Variants in OTOGL observed in about 807,000 individuals in gnomAD.
The protein encoded by OTOGL is otogelin like.
OTOGL carries 285 observed loss-of-function variants against 318.5 expected under a neutral mutation model. The observed-to-expected ratio is 0.89, with a 90% confidence interval of 0.81 to 0.99. The LOEUF is 0.99. OTOGL is among the 50% of genes least tolerant of loss of function. The pLI is 0.00. For missense variants in OTOGL, 2,899 were observed against 2,845.6 expected (o/e 1.02, Z -0.43); for synonymous variants, 987 against 936.5 (o/e 1.05, Z -0.99).
intron 1 of OTOGL, among the ~76,000 whole-genome samples, chr12:80,117,175 A>G (rs1187747443): frequency 6.6e-6 from 1 of 152,140 alleles, no homozygotes; most frequent in African/African-American, 2.4e-5. Context: ...GTTATATCTG[A>G]CATAATCACT....
chr12:80,271,983 ATAT>A (rs1240425724), intron 24 of OTOGL, among the ~76,000 whole-genome samples, 173 bp downstream of exon 24: 4 of 152,264 alleles, frequency 2.6e-5, no homozygotes, highest in Non-Finnish European at 5.9e-5. Context: ...ACATTGTGAA[ATAT>A]TATTAATGTA....
At chr12:80,184,724 C>T (rs550316923) in intron 1 of OTOGL, among the ~76,000 whole-genome samples, 22 of 152,210 alleles carry the variant, frequency 1.4e-4, no homozygotes, top group Non-Finnish European at 2.6e-4. Context: ...GCCACTGAAT[C>T]GGTGTTGAGG....
In OTOGL at chr12:80,377,915, AC is replaced by A; in HGVS notation, c.6931del (p.Leu2311Ter). The A allele has an allele frequency of 3.7e-6, 6 of 1,611,288 alleles. No individual in the cohort carries two copies. Among genetic ancestry groups the A allele is most frequent in the Non-Finnish European group, 5.1e-6 (6 of 1,178,386 alleles). On this transcript the variant is annotated frameshift_variant, in exon 59 of 59. Transcript: ENST00000547103. LOFTEE classifies it high-confidence loss of function. ...ATATATAACATCAATATTGAAAGTC[AC>A]CTAAGATTCTGCAAGTGTTGTCGTG... ...ATIYNINIES[H>X]LRFCKCCREN...
At chr12:80,332,037 G>A (rs1888105005) in intron 37 of OTOGL, among the ~76,000 whole-genome samples, 1 of 152,158 alleles carries the variant, frequency 6.6e-6, no homozygotes, top group Non-Finnish European at 1.5e-5. Context: ...GTTCATAGAA[G>A]CTGGAAGAGA....
chr12:80,188,175 C>T (rs1875426658), intron 1 of OTOGL, among the ~76,000 whole-genome samples: 1 of 152,102 alleles, frequency 6.6e-6, no homozygotes, highest in Admixed American at 6.6e-5. Flanking sequence ...AGAAGATCCA[C>T]AAAGGTCAGA....
intron 34 of OTOGL, among the ~76,000 whole-genome samples, chr12:80,323,097 TACACAC>T (rs200949284): frequency 0.072 from 9,154 of 126,938 alleles, 354 homozygotes; most frequent in East Asian, 0.11. Context: ...GAAAACCCAC[TACACAC>T]ACACACACAC....
intron 40 of OTOGL, 56 bp downstream of exon 40, chr12:80,336,611 A>T (rs1471193663): frequency 6.5e-7 from 1 of 1,531,704 alleles, no homozygotes; most frequent in Admixed American, 1.8e-5. Context: ...GCTAATGTCT[A>T]TTGCAACATC....
At chr12:80,308,953 C>T (rs530394348) in intron 29 of OTOGL, among the ~76,000 whole-genome samples, 7 of 149,900 alleles carry the variant, frequency 4.7e-5, no homozygotes, top group Non-Finnish European at 1.0e-4. Flanking sequence ...AGAGGGAGAC[C>T]GTGGAAAGAG....
intron 57 of OTOGL, among the ~76,000 whole-genome samples, chr12:80,373,651 T>C (rs1358629114): frequency 6.6e-6 from 1 of 150,906 alleles, no homozygotes; most frequent in Non-Finnish European, 1.5e-5. Flanking sequence ...ACAAATACTA[T>C]GTAATATATA....
At position 80,226,294 on chromosome 12, in the gene OTOGL, G is replaced by T. The variant is rs112897588; in HGVS notation, c.490-2963G>T. 1.1e-3 allele frequency among the ~76,000 whole-genome samples: 164 copies of T among 149,622 alleles called. 1 individual carries two copies. The highest frequency in any genetic ancestry group is 3.9e-3 in the African/African-American group (160 of 40,608). ...AATAATTTATATTTTTTATATTATT[G>T]TCACTATGTAAATATTGTTTAGAGC... On this transcript the variant is annotated intron_variant, in intron 7 of 58. Coordinates refer to ENST00000547103, the MANE Select transcript of OTOGL (RefSeq NM_001378609.3).
At chr12:80,235,296 C>T (rs1016252518) in intron 9 of OTOGL, among the ~76,000 whole-genome samples, 1 of 151,560 alleles carries the variant, frequency 6.6e-6, no homozygotes, top group African/African-American at 2.4e-5. Flanking sequence ...GAAACCCTGT[C>T]TCTACTAAAA....
At chr12:80,121,248 C>T (rs773573684) in intron 1 of OTOGL, among the ~76,000 whole-genome samples, 20 of 152,138 alleles carry the variant, frequency 1.3e-4, no homozygotes, top group East Asian at 3.9e-4. Context: ...AACAAGGAGA[C>T]TCATGACAAT....
chr12:80,157,250 G>A (rs940667566), intron 1 of OTOGL, among the ~76,000 whole-genome samples: 1 of 152,024 alleles, frequency 6.6e-6, no homozygotes, highest in African/African-American at 2.4e-5. Context: ...TTTGAGAACT[G>A]TCTATTCAAA....
rs1030966315 is a variant in OTOGL, at chr12:80,378,461, A to G, written c.*413A>G. The G allele has an allele frequency of 6.2e-6, 1 of 160,094 alleles. No homozygotes were observed. The highest frequency in any genetic ancestry group is 1.4e-5 in the Non-Finnish European group (1 of 72,214). 9.9% of individuals were successfully genotyped at this position (160,094 alleles called of 1,614,324 possible). ...TAATATGTACTCCTTAATCTGGTAAATGTGATCAGTTAAAATTGTCATCTA... is the reference window on the plus strand; with the variant it reads ...TAATATGTACTCCTTAATCTGGTAAGTGTGATCAGTTAAAATTGTCATCTA... On this transcript the variant is annotated 3_prime_UTR_variant, in exon 59 of 59. Coordinates refer to ENST00000547103, the MANE Select transcript of OTOGL (RefSeq NM_001378609.3).
At chr12:80,369,447 A>C (rs983396518) in intron 55 of OTOGL, among the ~76,000 whole-genome samples, 1 of 152,080 alleles carries the variant, frequency 6.6e-6, no homozygotes, top group Non-Finnish European at 1.5e-5. Context: ...CACTTTCCTT[A>C]AGTGCTTTTA....
intron 36 of OTOGL, 90 bp downstream of exon 36, chr12:80,328,834 AACAG>A (rs1179368326): frequency 1.0e-5 from 13 of 1,247,232 alleles, no homozygotes; most frequent in East Asian, 2.5e-5. Context: ...AGAAGTTTTA[AACAG>A]ACAATCAACT....
At chr12:80,313,887 A>G (rs1351872764) in intron 31 of OTOGL, among the ~76,000 whole-genome samples, 1 of 152,172 alleles carries the variant, frequency 6.6e-6, no homozygotes, top group East Asian at 1.9e-4. Context: ...TTATTTAAAT[A>G]CCATCCTTAG....
At chr12:80,140,479 A>G (rs977277522) in intron 1 of OTOGL, among the ~76,000 whole-genome samples, 13 of 152,214 alleles carry the variant, frequency 8.5e-5, no homozygotes, top group Non-Finnish European at 1.6e-4. Context: ...AACACATCAA[A>G]TGTTATGAAT....
At chr12:80,108,846 G>GTATATATAT (rs1869636697) in intron 1 of OTOGL, among the ~76,000 whole-genome samples, 3 of 81,116 alleles carry the variant, frequency 3.7e-5, no homozygotes, top group African/African-American at 1.9e-4. Flanking sequence ...GTATATATAT[G>GTATATATAT]TGTATATATA....
Sources: gnomAD v4.1 joint callset for allele counts (sites outside exome capture counted in the v4.1 genomes callset) on GRCh38, gnomAD v4.1.1 for gene constraint, MANE v1.5 for transcripts, NCBI Gene and HGNC (gene_info 2026-07-23, HGNC 2026-07-21) for gene names.